Variants in TGIF1 observed in about 807,000 individuals in gnomAD.
TGIF1 encodes homeobox protein TGIF1.
Under a neutral mutation model 19.3 loss-of-function variants are expected in TGIF1, and 4 were observed. The observed-to-expected ratio is 0.21, with a 90% CI of 0.10 to 0.47. The LOEUF is 0.47. TGIF1 is among the 20% of genes least tolerant of loss of function. The pLI, the probability that TGIF1 is intolerant of heterozygous loss-of-function variation, is 0.98. For synonymous variants in TGIF1, 122 were observed against 129.3 expected, an observed-to-expected ratio of 0.94 and a Z score of 0.38; for missense variants, 275 against 341.4, an observed-to-expected ratio of 0.81 and a Z score of 1.53.
intron 2 of TGIF1, among the ~76,000 whole-genome samples, chr18:3,421,708 A>AGGCTTTTTTTG (rs2082400297): frequency 6.7e-6 from 1 of 149,166 alleles, no homozygotes; most frequent in Non-Finnish European, 1.5e-5. Flanking sequence ...CACCGCGCCC[A>AGGCTTTTTTTG]TCTATACTAT....
chr18:3,448,253 G>T, upstream of TGIF1: 1 of 985,354 alleles, frequency 1.0e-6, no homozygotes. Flanking sequence ...CCCAGCCCCC[G>T]GCTCCTCCTC....
upstream of TGIF1, among the ~76,000 whole-genome samples, chr18:3,445,764 GCAAAA>G (rs2082736498): frequency 4.1e-5 from 1 of 24,124 alleles, no homozygotes; most frequent in African/African-American, 2.2e-4. Context: ...GAGAAGAAAA[GCAAAA>G]AAAAAAAAAA....
upstream of TGIF1, chr18:3,448,415 A>T: frequency 1.0e-6 from 1 of 997,290 alleles, no homozygotes; most frequent in Non-Finnish European, 1.2e-6. Context: ...TCTGTCCCGC[A>T]CCGGGCGCAG....
rs1374562280 is a variant in TGIF1, at chr18:3,451,933, T to C, written c.16+1428T>C. 6.5e-7 allele frequency: 1 copy of C among 1,543,536 alleles called. No homozygotes were observed. Among genetic ancestry groups the C allele is most frequent in the African/African-American group, 1.4e-5 (1 of 72,938 alleles). ...CAGGTCTAGAGACACGCGCTGTCTG[T>C]TGTGGTGGGCCTCCCGGGAATAAGT... On this transcript the variant is annotated intron_variant, in intron 1 of 2. Coordinates refer to ENST00000343820, the MANE Select transcript of TGIF1 (RefSeq NM_003244.4). The surrounding 1 kb of genome is among the most constrained non-coding windows in gnomAD (Gnocchi z 5.4).
At chr18:3,419,276 C>G (rs1159155634) in intron 2 of TGIF1, among the ~76,000 whole-genome samples, 5 of 152,108 alleles carry the variant, frequency 3.3e-5, no homozygotes, top group Non-Finnish European at 7.4e-5. Context: ...AAAATTCATT[C>G]CACATAAAAA....
intron 2 of TGIF1, among the ~76,000 whole-genome samples, chr18:3,426,883 T>A (rs2143167439): frequency 6.6e-6 from 1 of 151,686 alleles, no homozygotes; most frequent in South Asian, 2.1e-4. Context: ...AGTGGGGTAC[T>A]ATGCAGCGGT....
At position 3,413,918 on chromosome 18, in the gene TGIF1, C is replaced by T. The variant is rs76664452; in HGVS notation, c.-118+1664C>T. The stretch of plus-strand genomic sequence containing the variant: ...AGTTGCCAAATGGCAGGCACTATGT[C>T]GTGGGTTTTAAATGTATTTTCTCAG... On this transcript the variant is annotated intron_variant, in intron 1 of 3. Coordinates refer to the TGIF1 transcript ENST00000401449. 7.6e-4 allele frequency among the ~76,000 whole-genome samples: 116 copies of T among 152,230 alleles called. 1 individual carries two copies. Among genetic ancestry groups the T allele is most frequent in the East Asian group, 3.1e-3 (16 of 5,188 alleles).
chr18:3,421,558 A>T (rs1336386170), intron 2 of TGIF1, among the ~76,000 whole-genome samples: 1 of 151,452 alleles, frequency 6.6e-6, no homozygotes, highest in Non-Finnish European at 1.5e-5. Context: ...GATTACAGGC[A>T]TGCACCACCA....
chr18:3,445,275 G>C (rs1425516913), upstream of TGIF1, among the ~76,000 whole-genome samples: 3 of 152,140 alleles, frequency 2.0e-5, no homozygotes, highest in Non-Finnish European at 4.4e-5. Context: ...GGGCAGAGGG[G>C]ACTTGGGAAC....
intron 2 of TGIF1, among the ~76,000 whole-genome samples, chr18:3,427,984 G>A (rs1167593191): frequency 6.6e-6 from 1 of 152,214 alleles, no homozygotes; most frequent in Non-Finnish European, 1.5e-5. Context: ...CCACACCCCT[G>A]GGGGTACCTG....
chr18:3,416,910 A>G (rs9955164), intron 1 of TGIF1, among the ~76,000 whole-genome samples: 25,893 of 152,056 alleles, frequency 0.17, 5,110 homozygotes, highest in African/African-American at 0.49. Flanking sequence ...CAGCCTGGGT[A>G]ACAAAGCAAG....
At position 3,456,226 on chromosome 18, in the gene TGIF1, A is replaced by G; in HGVS notation, c.17-128A>G. On this transcript the variant is annotated intron_variant, in intron 1 of 2. Coordinates refer to ENST00000343820, the MANE Select transcript of TGIF1 (RefSeq NM_003244.4). This position sits in a 1 kb window ranked among gnomAD's most constrained non-coding sequence, Gnocchi z 4.2. ...GGACCCTGAATTCAGGACAGAAAAC[A>G]CTGCTCCTTCTCCTCGCTCTCAGTT... 1.1e-6 allele frequency: 1 copy of G among 939,148 alleles called. No homozygotes were observed. The highest frequency in any genetic ancestry group is 1.3e-5 in the South Asian group (1 of 76,822). 58.2% of individuals were successfully genotyped at this position (939,148 alleles called of 1,614,324 possible).
chr18:3,415,488 T>C (rs1427329847), intron 1 of TGIF1: 2 of 478,070 alleles, frequency 4.2e-6, no homozygotes, highest in Admixed American at 2.2e-5. Flanking sequence ...GAGCAAGTCA[T>C]GAGTTCCTGG....
rs2049459706 is a variant in TGIF1 at position 3,459,582 on chromosome 18, C to T, written c.*1642C>T. ...AAAAATGAATGACGCAAAGGTGATCCAGAATCATTACTTGCTCCAACAGCT... is the reference window on the plus strand; with the variant it reads ...AAAAATGAATGACGCAAAGGTGATCTAGAATCATTACTTGCTCCAACAGCT... On this transcript the variant is annotated 3_prime_UTR_variant, in exon 3 of 3. Transcript: ENST00000343820. 1 of 152,118 alleles carries T rather than the reference C, an allele frequency of 6.6e-6. No homozygotes were observed. Among genetic ancestry groups the T allele is most frequent in the South Asian group, 2.1e-4 (1 of 4,832 alleles). The allele number at this position is 152,118 out of a possible 1,614,324, so 9.4% of individuals were successfully genotyped here.
chr18:3,418,540 T>C (rs569484618), intron 2 of TGIF1: 1 of 152,380 alleles, frequency 6.6e-6, no homozygotes, highest in East Asian at 1.9e-4. Context: ...GTGAATGCTA[T>C]ATAAATAGTT....
intron 1 of TGIF1, among the ~76,000 whole-genome samples, chr18:3,413,834 C>G (rs907245114): frequency 5.9e-5 from 9 of 152,052 alleles, no homozygotes; most frequent in Non-Finnish European, 1.2e-4. Context: ...TCTATGGCTG[C>G]CGTAATAAAA....
chr18:3,440,390 T>G (rs2143233501), intron 2 of TGIF1, among the ~76,000 whole-genome samples: 1 of 152,272 alleles, frequency 6.6e-6, no homozygotes, highest in South Asian at 2.1e-4. Flanking sequence ...AGGATTAACA[T>G]TTCCAGTTTT....
At chr18:3,413,718 T>C (rs1203426277) in intron 1 of TGIF1, among the ~76,000 whole-genome samples, 1 of 152,130 alleles carries the variant, frequency 6.6e-6, no homozygotes, top group Non-Finnish European at 1.5e-5. Context: ...ATTTTTTCAA[T>C]TAAAAAAAAA....
At chr18:3,415,805 C>G (rs1231236053) in intron 1 of TGIF1, among the ~76,000 whole-genome samples, 1 of 152,128 alleles carries the variant, frequency 6.6e-6, no homozygotes, top group African/African-American at 2.4e-5. Context: ...ATTTGGTCAG[C>G]CTGTCCAAGG....
Sources: gnomAD v4.1 joint callset for allele counts (sites outside exome capture counted in the v4.1 genomes callset) on GRCh38, gnomAD v4.1.1 for gene constraint, Gnocchi (gnomAD v3.1) non-coding constraint, MANE v1.5 for transcripts, NCBI Gene and HGNC (gene_info 2026-07-23, HGNC 2026-07-21) for gene names.